The following MTA3 variants were observed in gnomAD, a reference collection of about 807,000 sequenced individuals.
MTA3 encodes the protein metastasis-associated protein MTA3.
MTA3 carries 34 observed loss-of-function variants against 83.5 expected under a neutral mutation model. The observed-to-expected ratio is 0.41, with a 90% CI of 0.31 to 0.54. The LOEUF is 0.54. Ranked by LOEUF, MTA3 falls within the 20% of genes least tolerant of loss-of-function variation. MTA3 has a pLI of 0.33. For synonymous variants in MTA3, 303 were observed against 252.7 expected (o/e 1.20, Z -1.89); for missense variants, 761 against 726.4 (o/e 1.05, Z -0.55).
At chr2:42,600,982 C>T (rs995375384) in intron 3 of MTA3, among the ~76,000 whole-genome samples, 11 of 152,152 alleles carry the variant, frequency 7.2e-5, no homozygotes, top group Non-Finnish European at 1.2e-4. Flanking sequence ...TCTTGGCTCA[C>T]TGCAACCTCC....
chr2:42,728,521 A>C (rs1021902860), intron 16 of MTA3, among the ~76,000 whole-genome samples: 1 of 152,314 alleles, frequency 6.6e-6, no homozygotes, highest in African/African-American at 2.4e-5. Context: ...AACTGTTCTC[A>C]TAGTGGTTGT....
intron 16 of MTA3, among the ~76,000 whole-genome samples, chr2:42,745,824 C>CTTTTGTTTTTTTTTTT (rs1669367869): frequency 8.4e-6 from 1 of 119,372 alleles, no homozygotes; most frequent in African/African-American, 3.2e-5. Context: ...AAATAGTCCT[C>CTTTTGTTTTTTTTTTT]TTTTTTTTGA....
chr2:42,538,767 G>GTTTTTTTTTT (rs1306095679), intron 2 of MTA3, among the ~76,000 whole-genome samples: 1 of 72,702 alleles, frequency 1.4e-5, no homozygotes, highest in Non-Finnish European at 2.7e-5. Flanking sequence ...TGTTTTTTTT[G>GTTTTTTTTTT]TTTTTTTTTG....
At chr2:42,666,658 T>G (rs1690260814) in intron 8 of MTA3, among the ~76,000 whole-genome samples, 2 of 152,198 alleles carry the variant, frequency 1.3e-5, no homozygotes, top group South Asian at 4.1e-4. Flanking sequence ...GGTCTATAAT[T>G]AAAAACTCAT....
At chr2:42,594,238 A>C (rs1423073623) in intron 3 of MTA3, among the ~76,000 whole-genome samples, 4 of 107,828 alleles carry the variant, frequency 3.7e-5, no homozygotes, top group Non-Finnish European at 7.0e-5. Flanking sequence ...GCCATGCGCC[A>C]GGCCCCTTTT....
chr2:42,694,051 A>G (rs752597520), intron 9 of MTA3, among the ~76,000 whole-genome samples: 8 of 152,104 alleles, frequency 5.3e-5, no homozygotes, highest in Admixed American at 2.0e-4. Flanking sequence ...AGAAATGTGT[A>G]TAGGAGCTAG....
intron 2 of MTA3, among the ~76,000 whole-genome samples, chr2:42,513,926 A>C (rs1021689337): frequency 1.3e-5 from 2 of 152,228 alleles, no homozygotes; most frequent in Non-Finnish European, 2.9e-5. Flanking sequence ...AAGAATCCCA[A>C]GTCTAGGCCA....
intron 2 of MTA3, among the ~76,000 whole-genome samples, chr2:42,522,334 C>G (rs937498361): frequency 2.0e-5 from 3 of 152,116 alleles, no homozygotes; most frequent in African/African-American, 7.2e-5. Context: ...TGTGGCATCC[C>G]TGGGAGGGTA....
chr2:42,687,785 A>T (rs1168206787), intron 9 of MTA3, among the ~76,000 whole-genome samples: 1 of 152,072 alleles, frequency 6.6e-6, no homozygotes, highest in Non-Finnish European at 1.5e-5. Flanking sequence ...TGTAGCTCAT[A>T]TGTGTTCTCA....
intron 12 of MTA3, among the ~76,000 whole-genome samples, chr2:42,707,079 C>T (rs1336411251): frequency 6.6e-6 from 1 of 151,674 alleles, no homozygotes; most frequent in Non-Finnish European, 1.5e-5. Context: ...GTCCTGCTGC[C>T]TCAGTCTCTG....
chr2:42,602,737 A>C (rs2104009447), intron 3 of MTA3, among the ~76,000 whole-genome samples: 1 of 152,314 alleles, frequency 6.6e-6, no homozygotes, highest in Middle Eastern at 3.4e-3. Context: ...TAGCTGAGTT[A>C]GCAGGATGTG....
intron 2 of MTA3, among the ~76,000 whole-genome samples, chr2:42,549,454 AT>A (rs1166767929): frequency 1.3e-4 from 1 of 7,960 alleles, no homozygotes; most frequent in Non-Finnish European, 1.9e-4. Context: ...CATATAATAT[AT>A]TATATATACA....
At chr2:42,506,183 G>A (rs1425394025) in intron 2 of MTA3, among the ~76,000 whole-genome samples, 1 of 152,186 alleles carries the variant, frequency 6.6e-6, no homozygotes, top group African/African-American at 2.4e-5. Context: ...GGTGGCTCAT[G>A]CCTATAATCC....
chr2:42,723,915 A>T (rs1463603479), intron 16 of MTA3, among the ~76,000 whole-genome samples: 1 of 152,104 alleles, frequency 6.6e-6, no homozygotes, highest in Non-Finnish European at 1.5e-5. Context: ...ATGACTTTTG[A>T]TGTTCATAAT....
intron 4 of MTA3, among the ~76,000 whole-genome samples, chr2:42,625,017 T>C (rs1318181119): frequency 6.6e-6 from 1 of 152,120 alleles, no homozygotes; most frequent in Non-Finnish European, 1.5e-5. Context: ...AATTTGAAGA[T>C]CTGTTTTCCT....
intron 4 of MTA3, among the ~76,000 whole-genome samples, chr2:42,625,810 A>C (rs373328007): frequency 9.9e-5 from 15 of 151,192 alleles, no homozygotes; most frequent in Admixed American, 3.3e-4. Flanking sequence ...ATTTTAATAA[A>C]TCTATTATCT....
intron 4 of MTA3, among the ~76,000 whole-genome samples, chr2:42,619,457 A>G (rs1685285678): frequency 6.6e-6 from 1 of 152,244 alleles, no homozygotes; most frequent in Admixed American, 6.5e-5. Flanking sequence ...TATTTATATT[A>G]TCCAGAAACA....
At chr2:42,736,477 A>G (rs954672337) in intron 16 of MTA3, among the ~76,000 whole-genome samples, 1 of 152,068 alleles carries the variant, frequency 6.6e-6, no homozygotes, top group East Asian at 1.9e-4. Flanking sequence ...GGACTCTCCA[A>G]TCAGCAGGTG....
intron 2 of MTA3, among the ~76,000 whole-genome samples, chr2:42,560,452 C>G (rs1313879457): frequency 6.6e-6 from 1 of 151,550 alleles, no homozygotes; most frequent in East Asian, 1.9e-4. Flanking sequence ...ACCAGCCTGG[C>G]CAACAATGCG....
Sources: allele counts gnomAD v4.1 joint callset (sites outside exome capture counted in the v4.1 genomes callset), GRCh38; gene constraint gnomAD v4.1.1; transcripts MANE v1.5; gene names NCBI Gene and HGNC (gene_info 2026-07-23, HGNC 2026-07-21).